Variants in DST observed in about 807,000 individuals in gnomAD.
DST encodes bullous pemphigoid antigen.
In DST, 253 loss-of-function variants were observed where a neutral mutation model predicts 875.2. The observed-to-expected ratio is 0.29, with a 90% confidence interval of 0.26 to 0.32. The LOEUF (loss-of-function observed/expected upper bound fraction) is 0.32. DST is among the 10% of genes least tolerant of loss of function. DST has a pLI of 1.00. For synonymous variants in DST, 3,124 were observed against 3,197.1 expected, an observed-to-expected ratio of 0.98 and a Z score of 0.77; for missense variants, 8,287 against 9,111.6, an observed-to-expected ratio of 0.91 and a Z score of 3.68.
intron 49 of DST, among the ~76,000 whole-genome samples, chr6:56,582,217 T>C (rs979047972): frequency 6.6e-6 from 1 of 152,174 alleles, no homozygotes; most frequent in African/African-American, 2.4e-5. Context: ...GTTTGGATAT[T>C]TGTCCCCGCC....
intron 64 of DST, among the ~76,000 whole-genome samples, chr6:56,531,399 TC>T (rs2096893368): frequency 6.6e-6 from 1 of 152,128 alleles, no homozygotes; most frequent in African/African-American, 2.4e-5. Flanking sequence ...TGAGAGTATC[TC>T]CCATGGCAGC....
At chr6:56,711,073 T>C (rs1011434760) in intron 5 of DST, among the ~76,000 whole-genome samples, 1 of 152,206 alleles carries the variant, frequency 6.6e-6, no homozygotes, top group East Asian at 1.9e-4. Flanking sequence ...TCTTTGGACC[T>C]GATTCACTCC....
At chr6:56,880,837 C>CTTTT (rs765843469) in intron 3 of DST, among the ~76,000 whole-genome samples, 16 of 58,082 alleles carry the variant, frequency 2.8e-4, no homozygotes, top group Admixed American at 6.2e-4. Flanking sequence ...TACTGTCTTT[C>CTTTT]TTTTTTTTTT....
chr6:56,865,281 GTGTGTGTGTGTGTGTCTGTA>G (rs1773408125), intron 3 of DST, among the ~76,000 whole-genome samples: 2 of 151,542 alleles, frequency 1.3e-5, no homozygotes, highest in African/African-American at 2.4e-5. Flanking sequence ...GTGTGTGTGT[GTGTGTGTGTGTGTGTCTGTA>G]TGTGTGTGTG....
rs2098507329 is a variant in DST, at chr6:56,607,331, G to C, written c.7297C>G (p.Pro2433Ala). The C allele has an allele frequency of 6.2e-7, 1 of 1,613,172 alleles. No individual in the cohort carries two copies. The highest frequency in any genetic ancestry group is 8.5e-7 in the Non-Finnish European group (1 of 1,179,606). ...NRDSPIFDYSPRLSALLSHDK... is the reference protein window; with the variant it reads ...NRDSPIFDYSARLSALLSHDK... ...TGACTTAACAAGGCACTTAGCCTGG[G>C]GGAATAGTCAAAGATAGGTGAATCC... The change falls in exon 40 of 104, where the codon CCC (proline) becomes GCC (alanine). Residue 2433 changes from proline to alanine, a missense_variant. By Grantham distance (27) the Pro-to-Ala change is conservative. Around this residue, in one of 10 missense-constraint regions of DST, gnomAD observed 3,138 missense variants for 3,116.6 expected, o/e 1.01. Coordinates refer to ENST00000680361, the MANE Select transcript of DST (RefSeq NM_001374736.1).
chr6:56,646,227 C>CA, intron 13 of DST, 45 bp from the exon 14 acceptor site: 1 of 1,135,610 alleles, frequency 8.8e-7, no homozygotes, highest in Non-Finnish European at 1.2e-6. Flanking sequence ...CTTAAAAGAT[C>CA]TGTTTTCATG....
rs73747833 is a variant in DST, at chr6:56,466,049, T to C, written c.22687+29A>G. On this transcript the variant is annotated intron_variant, in intron 99 of 103. Transcript: ENST00000680361. ...ATAATATAAAATTGAAATACTTTCA[T>C]GATGTTATCATGATAAGCATCTCCT... 69 of 1,524,454 alleles carry C rather than the reference T, an allele frequency of 4.5e-5. No individual in the cohort carries two copies. In the African/African-American group the frequency reaches 6.3e-4, roughly 14 times the overall value. 94.4% of individuals were successfully genotyped at this position (1,524,454 alleles called of 1,614,324 possible).
Position 56,535,117 on chromosome 6 carries a change from C to T in DST, c.16941+5G>A. 1 of 1,612,148 alleles carries T rather than the reference C, an allele frequency of 6.2e-7. No individual in the cohort carries two copies. The highest frequency in any genetic ancestry group is 8.5e-7 in the Non-Finnish European group (1 of 1,179,476). On this transcript the variant is annotated splice_donor_5th_base_variant and intron_variant, in intron 63 of 103. Coordinates refer to ENST00000680361, the MANE Select transcript of DST (RefSeq NM_001374736.1). ...AAACGCAATACAAAAGCATGACTAA[C>T]TTACCTTTTGTTCTTGTATCTGGGC...
At position 56,604,692 on chromosome 6, in the gene DST, T is replaced by C; in HGVS notation, c.9936A>G (p.Ser3312=). 2 of 1,611,918 alleles carry C rather than the reference T, an allele frequency of 1.2e-6. No homozygotes were observed. The highest frequency in any genetic ancestry group is 1.7e-6 in the Non-Finnish European group (2 of 1,178,664). The change falls in exon 40 of 104, where the codon TCA becomes TCG. Residue 3312 remains serine (S), a synonymous_variant. Coordinates refer to ENST00000680361, the MANE Select transcript of DST (RefSeq NM_001374736.1). Reference sequence around the variant, plus strand: ...CTTTCTTATTATTAATTTCTAAGAATGAATAGTCAGTATTTAAAGTGTTAC... The same window carrying C: ...CTTTCTTATTATTAATTTCTAAGAACGAATAGTCAGTATTTAAAGTGTTAC... ...NSSNTLNTDY[S]FLEINNKKER... is the part of the protein sequence containing the mutation.
chr6:56,553,106 G>A lies in DST; in HGVS notation c.15686C>T (p.Ala5229Val). The change falls in exon 61 of 104, where the codon GCC becomes GTC. Residue 5229 changes from alanine (A) to valine (V), a missense_variant. This residue lies in a region of DST where 1,513 missense variants were observed against 1,677.8 expected (regional missense o/e 0.90). Transcript: ENST00000680361. ...CTCACAGACACTGAGCAAGCTATTG[G>A]CTGTGTTGTTCAGTAATTCTACCAT... ...FGMVELLNNTANSLLSVCEID... is the reference protein window; with the variant it reads ...FGMVELLNNTVNSLLSVCEID... 6.2e-7 allele frequency: 1 copy of A among 1,613,880 alleles called. No homozygotes were observed.
At chr6:56,634,734 T>C in intron 25 of DST, 67 bp downstream of exon 25, 7 of 1,599,974 alleles carry the variant, frequency 4.4e-6, no homozygotes, top group Non-Finnish European at 6.0e-6. Context: ...TAGTTAGCAA[T>C]ATGATCTCAT....
chr6:56,637,242 T>G (rs1370262514), intron 22 of DST, among the ~76,000 whole-genome samples: 1 of 152,196 alleles, frequency 6.6e-6, no homozygotes, highest in African/African-American at 2.4e-5. Flanking sequence ...ATTTTAAACT[T>G]CTTGAAATTT....
intron 4 of DST, among the ~76,000 whole-genome samples, chr6:56,773,419 C>G (rs1406206177): frequency 6.6e-6 from 1 of 151,736 alleles, no homozygotes; most frequent in Non-Finnish European, 1.5e-5. Context: ...ATTTGGGTCC[C>G]CTGAATCTCA....
chr6:56,606,122 C>T lies in DST; in HGVS notation c.8506G>A (p.Asp2836Asn). 4 of 1,612,796 alleles carry T rather than the reference C, an allele frequency of 2.5e-6. No individual in the cohort carries two copies. Among genetic ancestry groups the T allele is most frequent in the Non-Finnish European group, 3.4e-6 (4 of 1,179,262 alleles). ...AAAATAGAGGCACACAACTGGATATCCATATCTTCAGCCACATTTTGGCAC... is the reference window on the plus strand; with the variant it reads ...AAAATAGAGGCACACAACTGGATATTCATATCTTCAGCCACATTTTGGCAC... ...PRCQNVAEDM[D>N]IQLCASILNE... Residue 2836 changes from aspartate (D) to asparagine (N), a missense_variant, in exon 40 of 104, where the codon GAT (aspartate) becomes AAT (asparagine). Around this residue, in one of 10 missense-constraint regions of DST, gnomAD observed 3,138 missense variants for 3,116.6 expected, o/e 1.01. Coordinates refer to ENST00000680361, the MANE Select transcript of DST (RefSeq NM_001374736.1).
At chr6:56,790,202 A>T (rs951045487) in intron 4 of DST, among the ~76,000 whole-genome samples, 2 of 152,164 alleles carry the variant, frequency 1.3e-5, no homozygotes, top group African/African-American at 2.4e-5. Context: ...CAAAAAAAAA[A>T]ATTTTTAACT....
At chr6:56,532,653 T>C (rs984025647) in intron 63 of DST, 143 bp from the exon 64 acceptor site, 41 of 771,926 alleles carry the variant, frequency 5.3e-5, no homozygotes, top group Non-Finnish European at 8.2e-5. Flanking sequence ...AGCGAGATTT[T>C]AAAGGTAACT....
rs745973241 is a variant in DST, at chr6:56,632,024, T to G, written c.3822A>C (p.Ser1274=). Residue 1274 remains serine, a synonymous_variant, in exon 29 of 104, where the codon TCA becomes TCC. Transcript: ENST00000680361. ...KSAEREEQEE[S]VYNLYISEVR... ...CTTCAGAGATGTAGAGATTATAAAC[T>G]GATTCCTCTTGCTCCTCTGTGAAAA... 2 of 1,612,442 alleles carry G rather than the reference T, an allele frequency of 1.2e-6. No individual in the cohort carries two copies. Among genetic ancestry groups the G allele is most frequent in the African/African-American group, 1.3e-5 (1 of 74,996 alleles).
intron 10 of DST, among the ~76,000 whole-genome samples, chr6:56,652,230 T>G (rs1587823391): frequency 6.6e-6 from 1 of 152,218 alleles, no homozygotes; most frequent in East Asian, 1.9e-4. Context: ...AGGAAAAGAT[T>G]CTTCAAATGC....
chr6:56,641,417 C>T (rs2098900386), intron 17 of DST, among the ~76,000 whole-genome samples: 1 of 151,894 alleles, frequency 6.6e-6, no homozygotes, highest in Non-Finnish European at 1.5e-5. Flanking sequence ...CAAAACCCTG[C>T]CTCCACTAAA....
Sources: gnomAD v4.1 joint callset for allele counts (sites outside exome capture counted in the v4.1 genomes callset) on GRCh38, gnomAD v4.1.1 for gene constraint, gnomAD v4.1.1 regional missense constraint, MANE v1.5 for transcripts, NCBI Gene and HGNC (gene_info 2026-07-23, HGNC 2026-07-21) for gene names.